The following GLDN variants were observed in gnomAD, a reference collection of about 807,000 sequenced individuals.
GLDN encodes gliomedin, also known as collomin.
A neutral mutation model predicts 56.5 loss-of-function variants in GLDN; 47 were observed. That is an observed-to-expected ratio of 0.83 (90% CI 0.66 to 1.06). The LOEUF (loss-of-function observed/expected upper bound fraction) is 1.06, where lower values mean the gene tolerates loss of function less well. Ranked by LOEUF, GLDN falls within the 50% of genes least tolerant of loss-of-function variation. GLDN has a pLI of 0.00. For synonymous variants in GLDN, 332 were observed against 278.8 expected (o/e 1.19, Z -1.90); for missense variants, 782 against 714.3 (o/e 1.09, Z -1.08).
intron 1 of GLDN, among the ~76,000 whole-genome samples, chr15:51,361,047 T>A (rs915644584): frequency 3.3e-5 from 5 of 152,224 alleles, no homozygotes; most frequent in African/African-American, 1.2e-4. Flanking sequence ...AATCAGAAAG[T>A]ATCTGAAGTT....
intron 1 of GLDN, among the ~76,000 whole-genome samples, chr15:51,353,624 A>G (rs2037116442): frequency 6.6e-6 from 1 of 150,762 alleles, no homozygotes; most frequent in Non-Finnish European, 1.5e-5. Flanking sequence ...AAACAGGTAG[A>G]GAAAGAACAA....
intron 1 of GLDN, among the ~76,000 whole-genome samples, chr15:51,363,669 A>T (rs969156242): frequency 6.6e-6 from 1 of 152,222 alleles, no homozygotes; most frequent in Non-Finnish European, 1.5e-5. Context: ...CCTAAGAGGG[A>T]TATGAATAAA....
chr15:51,353,872 C>A (rs1337050258), intron 1 of GLDN, among the ~76,000 whole-genome samples: 3 of 151,990 alleles, frequency 2.0e-5, no homozygotes, highest in Non-Finnish European at 2.9e-5. Flanking sequence ...AATTTACATG[C>A]ATTTTATCTA....
At chr15:51,404,148 C>CT (rs764072194) in intron 9 of GLDN, 129 bp from the exon 10 acceptor site, 7 of 710,644 alleles carry the variant, frequency 9.9e-6, no homozygotes, top group Non-Finnish European at 1.7e-5. Context: ...TACCTGGGAG[C>CT]TTGTAAGGAA....
chr15:51,377,900 G>A (rs566809613), intron 2 of GLDN, among the ~76,000 whole-genome samples: 148 of 152,260 alleles, frequency 9.7e-4, no homozygotes, highest in Admixed American at 4.6e-4. Flanking sequence ...TAGATGTTGC[G>A]GAGTGCTAGA....
At chr15:51,366,826 A>T (rs1036775217) in intron 1 of GLDN, among the ~76,000 whole-genome samples, 18 of 152,046 alleles carry the variant, frequency 1.2e-4, no homozygotes, top group Non-Finnish European at 2.2e-4. Context: ...TTAGCCTGGG[A>T]GGTCGGGGCT....
chr15:51,392,366 T>C (rs995509357), intron 4 of GLDN, among the ~76,000 whole-genome samples: 1 of 152,146 alleles, frequency 6.6e-6, no homozygotes, highest in Non-Finnish European at 1.5e-5. Context: ...TAGATTCTCA[T>C]AGGAGTGCAA....
At chr15:51,394,718 G>T in intron 4 of GLDN, 117 bp from the exon 5 acceptor site, 1 of 917,002 alleles carries the variant, frequency 1.1e-6, no homozygotes, top group Non-Finnish European at 1.7e-6. Flanking sequence ...GTTATGAAAT[G>T]CTGTGTGTTT....
At chr15:51,401,557 G>A in intron 8 of GLDN, 36 bp from the exon 9 acceptor site, 1 of 1,589,368 alleles carries the variant, frequency 6.3e-7, no homozygotes, top group Non-Finnish European at 8.6e-7. Context: ...ATTGCTGGAG[G>A]TAGGTAACAG....
At chr15:51,369,059 C>T (rs1291738799) in intron 1 of GLDN, 1 of 152,158 alleles carries the variant, frequency 6.6e-6, no homozygotes, top group African/African-American at 2.4e-5. Context: ...AGTCTTGGCC[C>T]CTGTGTGAAT....
rs553016727 is a variant in GLDN at position 51,397,495 on chromosome 15, C to T, written c.714C>T (p.Pro238=). 1.9e-5 allele frequency: 29 copies of T among 1,563,658 alleles called. No individual in the cohort carries two copies. The highest frequency in any genetic ancestry group is 1.5e-4 in the African/African-American group (11 of 72,884). Residue 238 remains proline (P), a synonymous_variant, in exon 6 of 10, where the codon CCC becomes CCT. Transcript: ENST00000335449. The part of the protein sequence containing the change: ...LAGAKGDQGP[P]GPPGPPGPPG... ...GTGCCAAAGGTGACCAAGGCCCACC[C>T]GGTCCACCTGGGCCCCCAGGCCCTC...
intron 1 of GLDN, among the ~76,000 whole-genome samples, chr15:51,353,679 A>G (rs999337359): frequency 1.5e-4 from 22 of 146,654 alleles, no homozygotes; most frequent in African/African-American, 4.1e-4. Flanking sequence ...ATTGTTGCCA[A>G]TGTGGGAACT....
intron 1 of GLDN, among the ~76,000 whole-genome samples, chr15:51,343,935 T>C (rs538035903): frequency 3.9e-4 from 60 of 152,176 alleles, no homozygotes; most frequent in Non-Finnish European, 6.9e-4. Flanking sequence ...CATTGGTGAG[T>C]TCGGTGCAGA....
chr15:51,363,264 G>T (rs938039267), intron 1 of GLDN, among the ~76,000 whole-genome samples: 1 of 152,150 alleles, frequency 6.6e-6, no homozygotes, highest in African/African-American at 2.4e-5. Flanking sequence ...TCAAGAGTCT[G>T]TCTATTCCTT....
intron 1 of GLDN, among the ~76,000 whole-genome samples, chr15:51,365,542 A>G (rs1300202310): frequency 6.6e-6 from 1 of 151,756 alleles, no homozygotes; most frequent in Non-Finnish European, 1.5e-5. Flanking sequence ...CATCATTATC[A>G]TTATTCCCAT....
Position 51,404,587 on chromosome 15 carries a change from G to T in GLDN, c.1489G>T (p.Asp497Tyr). The T allele has an allele frequency of 6.2e-7, 1 of 1,614,130 alleles. No individual in the cohort carries two copies. Among genetic ancestry groups the T allele is most frequent in the Non-Finnish European group, 8.5e-7 (1 of 1,180,032 alleles). The change falls in exon 10 of 10, where the codon GAT becomes TAT. Residue 497 changes from aspartate (D) to tyrosine (Y), a missense_variant. Transcript: ENST00000335449. The stretch of plus-strand genomic sequence containing the variant: ...AGATATGAGGGTCACATTTGCCTTT[G>T]ATTTGTTAGGAGGGAAACAGATCAA... ...TKDMRVTFAF[D>Y]LLGGKQINAN...
intron 1 of GLDN, among the ~76,000 whole-genome samples, chr15:51,375,934 T>C (rs888165561): frequency 3.3e-5 from 5 of 152,210 alleles, no homozygotes; most frequent in African/African-American, 1.2e-4. Flanking sequence ...GGGGGCTGGC[T>C]CATTATGGTG....
chr15:51,346,658 TAATA>T (rs1362934782), intron 1 of GLDN, among the ~76,000 whole-genome samples: 1 of 152,060 alleles, frequency 6.6e-6, no homozygotes, highest in East Asian at 1.9e-4. Context: ...CAGATGCAAA[TAATA>T]AATAAACAAA....
At chr15:51,365,530 A>T (rs1414204298) in intron 1 of GLDN, among the ~76,000 whole-genome samples, 1 of 152,150 alleles carries the variant, frequency 6.6e-6, no homozygotes, top group Non-Finnish European at 1.5e-5. Flanking sequence ...TATTATTATT[A>T]TCATCATTAT....
Sources: allele counts gnomAD v4.1 joint callset (sites outside exome capture counted in the v4.1 genomes callset), GRCh38; gene constraint gnomAD v4.1.1; transcripts MANE v1.5; gene names NCBI Gene and HGNC (gene_info 2026-07-23, HGNC 2026-07-21).